The following TRIOBP variants were observed in gnomAD, a reference collection of about 807,000 sequenced individuals.
The protein encoded by TRIOBP is TRIO and F-actin binding protein, also known as TRIO and F-actin-binding protein.
In TRIOBP, 169 loss-of-function variants were observed where a neutral mutation model predicts 238.8. The ratio of observed to expected loss-of-function variants is 0.71; its 90% CI spans 0.62 to 0.80. The LOEUF (loss-of-function observed/expected upper bound fraction) is 0.80, where lower values mean the gene tolerates loss of function less well. TRIOBP is among the 30% of genes least tolerant of loss of function. The probability of loss-of-function intolerance (pLI) is 0.00; values close to 1 mark genes in which losing one functional copy is unlikely to be tolerated. For synonymous variants in TRIOBP, 1,150 were observed against 1,274.4 expected (o/e 0.90, Z 2.08); for missense variants, 2,838 against 3,122.6 (o/e 0.91, Z 2.17).
rs550869873 is a variant in TRIOBP, at chr22:37,720,518, T to G, written c.629-2667T>G. ...CCTGAAGGCTGGGGGCACAGCGATCTGCTCACCTTTGACTTTAAAAAAAGT... is the reference window on the plus strand; with the variant it reads ...CCTGAAGGCTGGGGGCACAGCGATCGGCTCACCTTTGACTTTAAAAAAAGT... On this transcript the variant is annotated intron_variant, in intron 6 of 23. Transcript: ENST00000644935. Among the ~76,000 whole-genome samples, 53 of 152,270 alleles carry G rather than the reference T, an allele frequency of 3.5e-4. 1 individual carries two copies. In the South Asian group the frequency reaches 9.3e-3, roughly 27 times the overall value.
At chr22:37,763,749 A>G (rs1291871812) in intron 17 of TRIOBP, among the ~76,000 whole-genome samples, 1 of 152,120 alleles carries the variant, frequency 6.6e-6, no homozygotes, top group Non-Finnish European at 1.5e-5. Flanking sequence ...CCTGCCTATC[A>G]GTTTCTGGTG....
At chr22:37,717,396 G>A (rs2145826057) in intron 6 of TRIOBP, among the ~76,000 whole-genome samples, 1 of 152,330 alleles carries the variant, frequency 6.6e-6, no homozygotes, top group East Asian at 1.9e-4. Context: ...GCTGGCTGGG[G>A]CAGCCTGCTT....
intron 8 of TRIOBP, 102 bp downstream of exon 8, chr22:37,733,514 C>T: frequency 1.1e-6 from 1 of 911,808 alleles, no homozygotes; most frequent in Non-Finnish European, 1.8e-6. Flanking sequence ...GGAAGGTCCT[C>T]TATGAAAGGG....
chr22:37,709,715 CT>C (rs965840008), intron 3 of TRIOBP, among the ~76,000 whole-genome samples: 10 of 152,334 alleles, frequency 6.6e-5, no homozygotes, highest in African/African-American at 1.7e-4. Context: ...CCGTTCCCCC[CT>C]GGTGAGCCCA....
At chr22:37,733,487 G>C in intron 8 of TRIOBP, 75 bp downstream of exon 8, 1 of 1,187,972 alleles carries the variant, frequency 8.4e-7, no homozygotes, top group South Asian at 1.3e-5. Context: ...CTAGAAGCCA[G>C]GCAGGGGGCT....
chr22:37,732,782 C>T (rs1375307855), intron 7 of TRIOBP, among the ~76,000 whole-genome samples: 1 of 152,224 alleles, frequency 6.6e-6, no homozygotes, highest in African/African-American at 2.4e-5. Context: ...TCTGTCGTCC[C>T]ACCTCGTGGG....
At chr22:37,770,771 C>T (rs1412622192) in intron 21 of TRIOBP, among the ~76,000 whole-genome samples, 1 of 151,050 alleles carries the variant, frequency 6.6e-6, no homozygotes, top group Admixed American at 6.6e-5. Flanking sequence ...CAAGCTCCGC[C>T]TCTCGGGTTC....
In TRIOBP at chr22:37,757,958, T is replaced by G. The variant is rs1601659457; in HGVS notation, c.6033T>G (p.Gly2011=). ...PAGEGPRRGL[G]APLTEDQQNR... ...GTGAGGGGCCGCGCCGGGGCCTGGG[T>G]GCCCCCCTGACTGAGGACCAGCAAA... Residue 2011 remains glycine (G), a synonymous_variant, in exon 16 of 24, where the codon GGT becomes GGG. Transcript: ENST00000644935. 1 of 1,568,542 alleles carries G rather than the reference T, an allele frequency of 6.4e-7. No homozygotes were observed. The highest frequency in any genetic ancestry group is 8.6e-7 in the Non-Finnish European group (1 of 1,157,666).
chr22:37,713,197 T>G lies in TRIOBP; in HGVS notation c.255-13T>G. The G allele has an allele frequency of 1.2e-6, 2 of 1,610,536 alleles. No individual in the cohort carries two copies. Among genetic ancestry groups the G allele is most frequent in the South Asian group, 2.2e-5 (2 of 90,858 alleles). On this transcript the variant is annotated splice_polypyrimidine_tract_variant and intron_variant, in intron 4 of 23. Coordinates refer to ENST00000644935, the MANE Select transcript of TRIOBP (RefSeq NM_001039141.3). Reference sequence around the variant, plus strand: ...AACTCCCCATTACTTTTTGGGTCTGTCTCCTCTCCCAGGGGCCCATCCCCC... The same window carrying G: ...AACTCCCCATTACTTTTTGGGTCTGGCTCCTCTCCCAGGGGCCCATCCCCC...
At chr22:37,749,253 G>A (rs1457356579) in intron 11 of TRIOBP, among the ~76,000 whole-genome samples, 2 of 152,106 alleles carry the variant, frequency 1.3e-5, no homozygotes, top group Non-Finnish European at 2.9e-5. Flanking sequence ...TATTTGGGAG[G>A]CTGAGGCAGG....
intron 7 of TRIOBP, among the ~76,000 whole-genome samples, chr22:37,729,221 CCTT>C (rs1189690286): frequency 1.3e-5 from 2 of 150,904 alleles, no homozygotes; most frequent in East Asian, 2.0e-4. Flanking sequence ...CCTGGTCTGA[CCTT>C]TTTTTTTTTT....
intron 2 of TRIOBP, among the ~76,000 whole-genome samples, chr22:37,699,523 G>A (rs1354563668): frequency 3.3e-5 from 5 of 152,114 alleles, no homozygotes; most frequent in African/African-American, 1.2e-4. Context: ...ACTTTGGGGC[G>A]CACTAGAATC....
At chr22:37,762,702 A>G (rs3788529) in intron 17 of TRIOBP, among the ~76,000 whole-genome samples, 39,150 of 152,114 alleles carry the variant, frequency 0.26, 5,805 homozygotes, top group South Asian at 0.41. Context: ...CAGATGCGGA[A>G]GGCAGCAGAG....
chr22:37,730,310 C>T (rs1259671116), intron 7 of TRIOBP, among the ~76,000 whole-genome samples: 2 of 152,294 alleles, frequency 1.3e-5, no homozygotes, highest in East Asian at 3.9e-4. Flanking sequence ...AGCCAGGTCT[C>T]TGTTGGGGTT....
intron 17 of TRIOBP, among the ~76,000 whole-genome samples, chr22:37,764,671 C>A (rs1489896616): frequency 6.6e-6 from 1 of 152,196 alleles, no homozygotes; most frequent in Non-Finnish European, 1.5e-5. Flanking sequence ...CGGACCACCC[C>A]CAACACACAC....
At chr22:37,759,638 T>G in intron 17 of TRIOBP, 1 of 1,535,276 alleles carries the variant, frequency 6.5e-7, no homozygotes, top group Non-Finnish European at 8.7e-7. Flanking sequence ...AGTCACTCCC[T>G]GAACACAGGG....
chr22:37,720,096 A>G (rs925785438), intron 6 of TRIOBP, among the ~76,000 whole-genome samples: 1 of 123,686 alleles, frequency 8.1e-6, no homozygotes, highest in African/African-American at 3.1e-5. Flanking sequence ...TGCAACCTCC[A>G]CCTCCCAGGT....
chr22:37,773,933 CACACAGACACACAG>C lies in TRIOBP; in HGVS notation c.*159_*172del, dbSNP rs1926912355. The C allele has an allele frequency of 8.4e-6, 1 of 118,774 alleles. No homozygotes were observed. Among genetic ancestry groups the C allele is most frequent in the African/African-American group, 6.0e-5 (1 of 16,682 alleles). 7.4% of individuals were successfully genotyped at this position (118,774 alleles called of 1,614,324 possible). A position where few individuals can be genotyped will look rare whatever the true frequency, so the allele number is the denominator to read the frequency against. The stretch of plus-strand genomic sequence containing the variant: ...ACACACACACACACACACACACACA[CACACAGACACACAG>C]ACACATACGCACACACGTGCACACA... On this transcript the variant is annotated 3_prime_UTR_variant, in exon 24 of 24. Transcript: ENST00000644935.
intron 17 of TRIOBP, chr22:37,759,566 C>T: frequency 6.3e-7 from 1 of 1,595,320 alleles, no homozygotes; most frequent in Non-Finnish European, 8.5e-7. Flanking sequence ...TGTGTGAGTC[C>T]CCGTGTGACA....
Sources: allele counts gnomAD v4.1 joint callset (sites outside exome capture counted in the v4.1 genomes callset), GRCh38; gene constraint gnomAD v4.1.1; transcripts MANE v1.5; gene names NCBI Gene and HGNC (gene_info 2026-07-23, HGNC 2026-07-21).